Variants in NBEAL1 observed in about 807,000 individuals in gnomAD.
NBEAL1 encodes the protein neurobeachin-like protein 1.
In NBEAL1, 273 loss-of-function variants were observed where a neutral mutation model predicts 351.3. That is an observed-to-expected ratio of 0.78 (90% CI 0.70 to 0.86). The LOEUF (loss-of-function observed/expected upper bound fraction) is 0.86, where lower values mean the gene tolerates loss of function less well. Among genes scored for constraint, NBEAL1 ranks in the 40% least tolerant of loss-of-function variants. NBEAL1 has a pLI of 0.00. For synonymous variants in NBEAL1, 1,050 were observed against 1,086.4 expected, an observed-to-expected ratio of 0.97 and a Z score of 0.66; for missense variants, 2,961 against 3,201.3, an observed-to-expected ratio of 0.92 and a Z score of 1.81.
intron 51 of NBEAL1, among the ~76,000 whole-genome samples, chr2:203,204,913 A>G (rs991910339): frequency 1.3e-5 from 2 of 152,046 alleles, no homozygotes; most frequent in Admixed American, 1.3e-4. Context: ...TATTTCTTGG[A>G]TTTTCTGAAA....
intron 12 of NBEAL1, 150 bp from the exon 13 acceptor site, chr2:203,107,270 G>A (rs1342960751): frequency 4.2e-6 from 2 of 473,626 alleles, no homozygotes; most frequent in Non-Finnish European, 7.5e-6. Context: ...ATGAAGACAT[G>A]ATTTAAGAAG....
intron 21 of NBEAL1, 70 bp downstream of exon 21, chr2:203,126,163 T>C: frequency 1.5e-6 from 2 of 1,372,536 alleles, no homozygotes; most frequent in Non-Finnish European, 2.0e-6. Flanking sequence ...GGATTTTTTC[T>C]TCCTAATAAA....
rs531167285 is a variant in NBEAL1, at chr2:203,055,184, G to C, written c.306-1243G>C. ...TGTCCATGTTTTCTAGTTGTTCTCA[G>C]GGAGAGGACTGATCTTAGTCCACTA... On this transcript the variant is annotated intron_variant, in intron 4 of 55. Coordinates refer to ENST00000683969, the MANE Select transcript of NBEAL1 (RefSeq NM_001378026.1). Among the ~76,000 whole-genome samples, 3 of 152,282 alleles carry C rather than the reference G, an allele frequency of 2.0e-5. No homozygotes were observed. The South Asian group carries it at 6.2e-4, about 32-fold the overall frequency.
intron 53 of NBEAL1, among the ~76,000 whole-genome samples, chr2:203,209,713 A>ATGTGTGTGTG (rs56169732): frequency 0.25 from 34,768 of 138,392 alleles, 4,706 homozygotes; most frequent in East Asian, 0.36. Context: ...TTTAATTAAT[A>ATGTGTGTGTG]TGTGTGTGTG....
intron 6 of NBEAL1, chr2:203,061,791 C>T (rs530416933): frequency 6.7e-5 from 11 of 163,398 alleles, no homozygotes; most frequent in East Asian, 3.8e-4. Context: ...TAATTGAAGT[C>T]TTTACCACAA....
chr2:203,086,746 G>A (rs970284801), intron 10 of NBEAL1, among the ~76,000 whole-genome samples: 2 of 152,168 alleles, frequency 1.3e-5, no homozygotes, highest in African/African-American at 4.8e-5. Flanking sequence ...TGTTGGCCAG[G>A]TTGGTCTTGA....
rs2065941702 is a variant in NBEAL1, at chr2:203,220,404, A to C, written c.*3050A>C. Among the ~76,000 whole-genome samples, 1 of 152,014 alleles carries C rather than the reference A, an allele frequency of 6.6e-6. No individual in the cohort carries two copies. Among genetic ancestry groups the C allele is most frequent in the South Asian group, 2.1e-4 (1 of 4,820 alleles). On this transcript the variant is annotated 3_prime_UTR_variant, in exon 56 of 56. Transcript: ENST00000683969. Reference sequence around the variant, plus strand: ...GAGGCTGAGGCAGGAGAATCGCTTGAACCCAGGAGGCAGAGGTTGCAGTGA... The same window carrying C: ...GAGGCTGAGGCAGGAGAATCGCTTGCACCCAGGAGGCAGAGGTTGCAGTGA...
intron 10 of NBEAL1, among the ~76,000 whole-genome samples, chr2:203,095,533 C>T (rs942839155): frequency 2.6e-5 from 4 of 152,034 alleles, no homozygotes; most frequent in African/African-American, 9.7e-5. Context: ...TCAGGTGATC[C>T]GCCCGCCTCA....
At chr2:203,199,790 TCC>T (rs1285990737) in intron 49 of NBEAL1, among the ~76,000 whole-genome samples, 83 of 152,200 alleles carry the variant, frequency 5.5e-4, no homozygotes, top group African/African-American at 2.0e-3. Context: ...TGTTTTGAGA[TCC>T]AGATTATCTC....
At chr2:203,066,033 A>G (rs2061579773) in intron 6 of NBEAL1, among the ~76,000 whole-genome samples, 1 of 152,226 alleles carries the variant, frequency 6.6e-6, no homozygotes, top group African/African-American at 2.4e-5. Context: ...AATATATGTA[A>G]TAGTTCTCAC....
intron 25 of NBEAL1, 132 bp from the exon 26 acceptor site, chr2:203,131,841 T>G: frequency 1.7e-6 from 1 of 588,934 alleles, no homozygotes; most frequent in Non-Finnish European, 2.8e-6. Flanking sequence ...TAGCAATACT[T>G]ACTAACATTA....
intron 10 of NBEAL1, among the ~76,000 whole-genome samples, chr2:203,090,392 G>T (rs2062040722): frequency 1.3e-5 from 2 of 151,966 alleles, no homozygotes; most frequent in Admixed American, 1.3e-4. Context: ...ATTCTATTTT[G>T]TATGTTCATG....
intron 12 of NBEAL1, among the ~76,000 whole-genome samples, chr2:203,103,921 T>C (rs2106221220): frequency 6.6e-6 from 1 of 152,326 alleles, no homozygotes; most frequent in South Asian, 2.1e-4. Context: ...TTTGAACAAT[T>C]TTCTTAGTCT....
intron 12 of NBEAL1, among the ~76,000 whole-genome samples, chr2:203,105,422 G>A (rs935336185): frequency 4.0e-5 from 6 of 151,564 alleles, no homozygotes; most frequent in South Asian, 2.1e-4. Flanking sequence ...CTGAGATCGC[G>A]CCACTGCACT....
At position 203,171,714 on chromosome 2, in the gene NBEAL1, A is replaced by G. The variant is rs546405152; in HGVS notation, c.6103-214A>G. ...TAGGAAAGAATTTTTATCAAGACCT[A>G]GACTGTGGTATAAGATTTATGTTGA... On this transcript the variant is annotated intron_variant, in intron 39 of 55. Coordinates refer to ENST00000683969, the MANE Select transcript of NBEAL1 (RefSeq NM_001378026.1). Among the ~76,000 whole-genome samples the G allele has an allele frequency of 7.3e-5, 11 of 151,612 alleles. No homozygotes were observed. The East Asian group carries it at 2.1e-3, about 29-fold the overall frequency.
chr2:203,176,591 G>A (rs1299194103), intron 42 of NBEAL1, among the ~76,000 whole-genome samples: 1 of 151,864 alleles, frequency 6.6e-6, no homozygotes, highest in Non-Finnish European at 1.5e-5. Context: ...AATTAGCCAG[G>A]CATGGTAGTA....
chr2:203,126,077 G>A lies in NBEAL1; in HGVS notation c.2969G>A (p.Gly990Asp). ...CACTCCCATGGAGTTGCAACTCTTG[G>A]TGCTTTACTTCAGAAGGTGAGCCAG... ...LIHSHGVATL[G>D]ALLQKVPSTL... is the part of the protein sequence containing the mutation. Residue 990 changes from glycine (G) to aspartate (D), a missense_variant, in exon 21 of 56, where the codon GGT (glycine) becomes GAT (aspartate). Physicochemically the swap from Gly to Asp is moderately conservative, Grantham distance 94. Transcript: ENST00000683969. The A allele has an allele frequency of 1.3e-6, 2 of 1,543,572 alleles. No homozygotes were observed. Among genetic ancestry groups the A allele is most frequent in the Non-Finnish European group, 1.7e-6 (2 of 1,144,178 alleles).
In NBEAL1 at chr2:203,209,200, T is replaced by G; in HGVS notation, c.7663T>G (p.Tyr2555Asp). 6.2e-7 allele frequency: 1 copy of G among 1,613,708 alleles called. No homozygotes were observed. Among genetic ancestry groups the G allele is most frequent in the Non-Finnish European group, 8.5e-7 (1 of 1,179,622 alleles). The change falls in exon 53 of 56, where the codon TAC becomes GAC. Residue 2555 changes from tyrosine (Y) to aspartate (D), a missense_variant. Coordinates refer to ENST00000683969, the MANE Select transcript of NBEAL1 (RefSeq NM_001378026.1). Reference sequence around the variant, plus strand: ...TATACATACCATTCAGAAAGGTCAGTACATGAGGACTTTACGACCACCTTG... The same window carrying G: ...TATACATACCATTCAGAAAGGTCAGGACATGAGGACTTTACGACCACCTTG... Reference protein sequence around the residue: ...VIIHTIQKGQYMRTLRPPCES... With the variant: ...VIIHTIQKGQDMRTLRPPCES...
intron 34 of NBEAL1, among the ~76,000 whole-genome samples, chr2:203,149,925 CT>C (rs1170005300): frequency 6.6e-5 from 10 of 152,046 alleles, no homozygotes; most frequent in African/African-American, 2.4e-4. Context: ...ATAGTATTCC[CT>C]TATAAGGATA....
Sources: gnomAD v4.1 joint callset for allele counts (sites outside exome capture counted in the v4.1 genomes callset) on GRCh38, gnomAD v4.1.1 for gene constraint, MANE v1.5 for transcripts, NCBI Gene and HGNC (gene_info 2026-07-23, HGNC 2026-07-21) for gene names.